The following GPR137B variants were observed in gnomAD, a reference collection of about 807,000 sequenced individuals.
GPR137B encodes G protein-coupled receptor 137B, also known as integral membrane protein GPR137B.
Under a neutral mutation model 42.5 loss-of-function variants are expected in GPR137B, and 42 were observed. The ratio of observed to expected loss-of-function variants is 0.99; its 90% confidence interval spans 0.77 to 1.28. The LOEUF (loss-of-function observed/expected upper bound fraction) is 1.28. GPR137B is among the 50% of genes most tolerant of loss of function. The pLI is 0.00. For synonymous variants in GPR137B, 218 were observed against 209.7 expected (o/e 1.04, Z -0.34); for missense variants, 487 against 493.9 (o/e 0.99, Z 0.13).
At chr1:236,157,197 C>T (rs1417027746) in intron 1 of GPR137B, among the ~76,000 whole-genome samples, 1 of 151,904 alleles carries the variant, frequency 6.6e-6, no homozygotes, top group African/African-American at 2.4e-5. Context: ...CAGGATTCAA[C>T]CCCAGGTAAG....
intron 1 of GPR137B, among the ~76,000 whole-genome samples, chr1:236,164,017 C>A (rs1331134824): frequency 6.6e-6 from 1 of 151,690 alleles, no homozygotes; most frequent in Non-Finnish European, 1.5e-5. Context: ...TGCCTCCTCA[C>A]ACTTTTCAGC....
At chr1:236,198,459 C>T (rs1663402059) in intron 5 of GPR137B, among the ~76,000 whole-genome samples, 1 of 152,132 alleles carries the variant, frequency 6.6e-6, no homozygotes, top group African/African-American at 2.4e-5. Context: ...ACCTGCCTGG[C>T]CTCCCAAAGT....
chr1:236,193,485 C>T (rs1663253041), intron 5 of GPR137B, among the ~76,000 whole-genome samples: 1 of 152,186 alleles, frequency 6.6e-6, no homozygotes, highest in African/African-American at 2.4e-5. Flanking sequence ...ATTTTACATT[C>T]TCACCAGCAG....
chr1:236,184,039 T>A, intron 5 of GPR137B, 133 bp downstream of exon 5: 1 of 586,404 alleles, frequency 1.7e-6, no homozygotes, highest in Non-Finnish European at 3.0e-6. Flanking sequence ...TTTCCTTGAC[T>A]ATTTTATTGA....
intron 1 of GPR137B, among the ~76,000 whole-genome samples, chr1:236,143,536 G>A (rs753963408): frequency 2.2e-4 from 34 of 152,338 alleles, no homozygotes; most frequent in Middle Eastern, 3.4e-3. Context: ...TGTTGGTTTT[G>A]ATGAGATGTT....
chr1:236,168,644 G>A (rs1662434439), intron 1 of GPR137B, 62 bp from the exon 2 acceptor site: 2 of 1,216,422 alleles, frequency 1.6e-6, no homozygotes, highest in Non-Finnish European at 2.4e-6. Context: ...CCCAGTGATG[G>A]TATCAGTCTG....
At chr1:236,170,664 T>C (rs1486937437) in intron 2 of GPR137B, among the ~76,000 whole-genome samples, 3 of 152,148 alleles carry the variant, frequency 2.0e-5, no homozygotes, top group Non-Finnish European at 4.4e-5. Context: ...ATTTCAGATT[T>C]TTTTGGATTT....
At chr1:236,207,242 A>C (rs972582541) in intron 6 of GPR137B, 4 of 985,352 alleles carry the variant, frequency 4.1e-6, no homozygotes, top group South Asian at 4.7e-5. Flanking sequence ...AAAAAAGAAG[A>C]AAGCTGCCCA....
At chr1:236,180,657 G>T (rs1419817110) in intron 4 of GPR137B, among the ~76,000 whole-genome samples, 1 of 140,752 alleles carries the variant, frequency 7.1e-6, no homozygotes, top group African/African-American at 2.6e-5. Flanking sequence ...TTTTTGAGAC[G>T]GAGTTTCACT....
intron 1 of GPR137B, among the ~76,000 whole-genome samples, chr1:236,164,442 C>T (rs1039080907): frequency 8.5e-5 from 13 of 152,220 alleles, no homozygotes; most frequent in South Asian, 2.1e-4. Context: ...CAGGAGCCGT[C>T]GCCCCTCCCA....
chr1:236,181,898 T>C (rs201450162), intron 4 of GPR137B, among the ~76,000 whole-genome samples: 4 of 33,024 alleles, frequency 1.2e-4, no homozygotes, highest in African/African-American at 1.3e-3. Context: ...TTGCTATTTT[T>C]TTTTTTTTTT....
intron 1 of GPR137B, among the ~76,000 whole-genome samples, chr1:236,160,836 C>T (rs537157749): frequency 2.2e-4 from 34 of 152,268 alleles, no homozygotes; most frequent in African/African-American, 7.9e-4. Context: ...GCCTCTCTCC[C>T]CTGCAGTCTT....
intron 5 of GPR137B, among the ~76,000 whole-genome samples, chr1:236,191,299 T>C (rs1663185230): frequency 6.6e-6 from 1 of 152,184 alleles, no homozygotes; most frequent in Non-Finnish European, 1.5e-5. Flanking sequence ...CTTCTTTAGC[T>C]CGGAGGAGTT....
At chr1:236,181,068 CAG>C (rs71760136) in intron 4 of GPR137B, among the ~76,000 whole-genome samples, 2,026 of 152,076 alleles carry the variant, frequency 0.013, 53 homozygotes, top group African/African-American at 0.047. Context: ...TTGTCATCCT[CAG>C]GGAGTGAATT....
chr1:236,203,320 G>A (rs771915450), intron 5 of GPR137B, among the ~76,000 whole-genome samples: 8 of 151,984 alleles, frequency 5.3e-5, no homozygotes, highest in Non-Finnish European at 1.2e-4. Context: ...CTCATGATCT[G>A]CCTGCCTCAG....
At chr1:236,143,858 C>CA (rs1302550009) in intron 1 of GPR137B, among the ~76,000 whole-genome samples, 1 of 152,204 alleles carries the variant, frequency 6.6e-6, no homozygotes, top group Non-Finnish European at 1.5e-5. Flanking sequence ...GAGCACTTTG[C>CA]AAATACTTTG....
intron 1 of GPR137B, among the ~76,000 whole-genome samples, chr1:236,159,544 G>T (rs1662126022): frequency 6.6e-6 from 1 of 151,818 alleles, no homozygotes. Context: ...ATGGTGGCGG[G>T]TGCTTGTAAT....
At chr1:236,151,493 G>A (rs565531777) in intron 1 of GPR137B, among the ~76,000 whole-genome samples, 67 of 145,028 alleles carry the variant, frequency 4.6e-4, no homozygotes, top group Non-Finnish European at 7.0e-4. Flanking sequence ...GCGCAATCTC[G>A]GCTCACTGCA....
In GPR137B at chr1:236,163,645, A is replaced by T. The variant is rs183803673; in HGVS notation, c.415-5061A>T. 2.8e-4 allele frequency among the ~76,000 whole-genome samples: 43 copies of T among 152,308 alleles called. 1 individual carries two copies. In the East Asian group the frequency reaches 6.6e-3, roughly 23 times the overall value. On this transcript the variant is annotated intron_variant, in intron 1 of 6. Transcript: ENST00000366592. ...TCTCAGGAGATCTGATGGGTTTATC[A>T]GGGGTTTCCGCTTTTGCTTCTTCCT...
Sources: allele counts gnomAD v4.1 joint callset (sites outside exome capture counted in the v4.1 genomes callset), GRCh38; gene constraint gnomAD v4.1.1; transcripts MANE v1.5; gene names NCBI Gene and HGNC (gene_info 2026-07-23, HGNC 2026-07-21).